The following SLC38A1 variants were observed in gnomAD, a reference collection of about 807,000 sequenced individuals.
SLC38A1 encodes sodium-coupled neutral amino acid symporter 1.
A neutral mutation model predicts 60.3 loss-of-function variants in SLC38A1; 18 were observed. The observed-to-expected ratio is 0.30, with a 90% CI of 0.21 to 0.44. The LOEUF (loss-of-function observed/expected upper bound fraction) is 0.44, where lower values mean the gene tolerates loss of function less well. SLC38A1 is among the 20% of genes least tolerant of loss of function. SLC38A1 has a pLI of 1.00. For missense variants in SLC38A1, 448 were observed against 587.2 expected (o/e 0.76, Z 2.45); for synonymous variants, 196 against 212.1 (o/e 0.92, Z 0.66).
intron 3 of SLC38A1, among the ~76,000 whole-genome samples, chr12:46,230,199 A>G (rs1941019453): frequency 6.6e-6 from 1 of 152,196 alleles, no homozygotes. Flanking sequence ...AAAAGAAAAG[A>G]ACTGTTTCAC....
intron 3 of SLC38A1, among the ~76,000 whole-genome samples, chr12:46,235,925 A>G (rs1941243166): frequency 6.6e-6 from 1 of 152,232 alleles, no homozygotes; most frequent in Non-Finnish European, 1.5e-5. Flanking sequence ...ATAATCTACT[A>G]ATGTTTCACC....
chr12:46,191,911 A>C (rs1016818577), intron 16 of SLC38A1, among the ~76,000 whole-genome samples: 2 of 152,188 alleles, frequency 1.3e-5, no homozygotes, highest in Non-Finnish European at 2.9e-5. Context: ...TCCTAATTGA[A>C]TACCATTTTC....
At chr12:46,235,139 GGTACATT>G (rs1305097893) in intron 3 of SLC38A1, among the ~76,000 whole-genome samples, 3 of 152,122 alleles carry the variant, frequency 2.0e-5, no homozygotes, top group African/African-American at 4.8e-5. Flanking sequence ...GTTATACTAA[GGTACATT>G]GTGAAGAGAG....
At chr12:46,251,759 G>C (rs528691970) in intron 1 of SLC38A1, among the ~76,000 whole-genome samples, 1 of 152,328 alleles carries the variant, frequency 6.6e-6, no homozygotes, top group South Asian at 2.1e-4. Context: ...CTGGTCATCA[G>C]AGAAATGCAA....
At chr12:46,197,503 T>A (rs1939436877) in intron 16 of SLC38A1, 2 of 416,344 alleles carry the variant, frequency 4.8e-6, no homozygotes, top group Non-Finnish European at 8.5e-6. Context: ...TGAGACTCCA[T>A]CTCAAAAAAA....
intron 5 of SLC38A1, among the ~76,000 whole-genome samples, chr12:46,228,935 T>C (rs1049863898): frequency 1.3e-5 from 2 of 152,220 alleles, no homozygotes; most frequent in African/African-American, 4.8e-5. Context: ...ATTTCAGTAT[T>C]TTTGATTAAT....
chr12:46,230,704 A>G (rs1320162451), intron 3 of SLC38A1, among the ~76,000 whole-genome samples: 2 of 152,228 alleles, frequency 1.3e-5, no homozygotes, highest in East Asian at 1.9e-4. Flanking sequence ...AGAATCATCA[A>G]ATATATTCAG....
intron 6 of SLC38A1, among the ~76,000 whole-genome samples, chr12:46,208,666 T>C (rs1384769938): frequency 2.0e-5 from 3 of 152,230 alleles, no homozygotes; most frequent in Admixed American, 2.0e-4. Context: ...CCTTGGAATA[T>C]GCACAAGAGA....
At position 46,210,211 on chromosome 12, in the gene SLC38A1, C is replaced by G. The variant is rs141698642; in HGVS notation, c.315-1084G>C. On this transcript the variant is annotated intron_variant, in intron 5 of 16. Coordinates refer to ENST00000398637, the MANE Select transcript of SLC38A1 (RefSeq NM_030674.4). ...ACTCCTCAGTTGCCTTCCCTGGCCC[C>G]AGGCAGAATGACTGCTCCTCAGCTG... 1.0e-3 allele frequency among the ~76,000 whole-genome samples: 152 copies of G among 152,308 alleles called. 1 individual carries two copies. The East Asian group carries it at 0.027, about 27-fold the overall frequency.
chr12:46,189,904 A>T (rs1201146380), intron 16 of SLC38A1, among the ~76,000 whole-genome samples: 1 of 151,326 alleles, frequency 6.6e-6, no homozygotes, highest in African/African-American at 2.4e-5. Flanking sequence ...AGTCAATTAA[A>T]CCTCTTTCCT....
intron 16 of SLC38A1, among the ~76,000 whole-genome samples, chr12:46,194,442 G>T (rs1317478370): frequency 6.6e-6 from 1 of 152,090 alleles, no homozygotes; most frequent in African/African-American, 2.4e-5. Context: ...GTATCTTTGT[G>T]GTGTTCTCTG....
At chr12:46,212,447 CAATTGAT>C (rs1940216551) in intron 5 of SLC38A1, among the ~76,000 whole-genome samples, 1 of 152,172 alleles carries the variant, frequency 6.6e-6, no homozygotes, top group Admixed American at 6.5e-5. Context: ...TACAGATCAG[CAATTGAT>C]AATAGGGCTG....
intron 5 of SLC38A1, among the ~76,000 whole-genome samples, chr12:46,218,998 C>T (rs188532866): frequency 1.3e-5 from 2 of 152,218 alleles, no homozygotes; most frequent in South Asian, 2.1e-4. Context: ...GATGTTACCC[C>T]GAGGAGCAAT....
intron 5 of SLC38A1, among the ~76,000 whole-genome samples, chr12:46,216,071 T>C (rs1259461207): frequency 3.3e-5 from 5 of 152,260 alleles, no homozygotes; most frequent in Non-Finnish European, 5.9e-5. Flanking sequence ...TTTCTGCTAT[T>C]GCTGGCCTCT....
intron 5 of SLC38A1, among the ~76,000 whole-genome samples, chr12:46,220,629 G>A (rs1023936920): frequency 2.0e-5 from 3 of 152,196 alleles, no homozygotes; most frequent in African/African-American, 4.8e-5. Flanking sequence ...TTGATAAATA[G>A]CACACAGACC....
intron 2 of SLC38A1, among the ~76,000 whole-genome samples, chr12:46,242,102 CAG>C (rs894117280): frequency 1.3e-5 from 2 of 152,056 alleles, no homozygotes; most frequent in Admixed American, 6.5e-5. Flanking sequence ...TAGTAAGAAA[CAG>C]AGAAGAAGGC....
chr12:46,233,592 G>C (rs1313911512), intron 3 of SLC38A1, among the ~76,000 whole-genome samples: 2 of 152,154 alleles, frequency 1.3e-5, no homozygotes, highest in East Asian at 3.9e-4. Context: ...TGTGACATGA[G>C]GGGGCATTCA....
At chr12:46,213,982 A>C (rs1334732453) in intron 5 of SLC38A1, among the ~76,000 whole-genome samples, 1 of 152,232 alleles carries the variant, frequency 6.6e-6, no homozygotes, top group Non-Finnish European at 1.5e-5. Context: ...GACTCCCTCT[A>C]TGAAGATAGT....
chr12:46,229,782 C>T (rs1941000548), intron 3 of SLC38A1, 143 bp from the exon 4 acceptor site: 3 of 672,930 alleles, frequency 4.5e-6, no homozygotes, highest in South Asian at 3.8e-5. Context: ...ATTCAACCAC[C>T]AACTCCCCCC....
Sources: gnomAD v4.1 joint callset for allele counts (sites outside exome capture counted in the v4.1 genomes callset) on GRCh38, gnomAD v4.1.1 for gene constraint, MANE v1.5 for transcripts, NCBI Gene and HGNC (gene_info 2026-07-23, HGNC 2026-07-21) for gene names.